The following MRTFB variants were observed in gnomAD, a reference collection of about 807,000 sequenced individuals.
The protein encoded by MRTFB is myocardin related transcription factor B, also known as myocardin-related transcription factor B.
In MRTFB, 29 loss-of-function variants were observed where a neutral mutation model predicts 104.2. The ratio of observed to expected loss-of-function variants is 0.28; its 90% confidence interval spans 0.21 to 0.38. MRTFB has a LOEUF of 0.38. MRTFB is among the 10% of genes least tolerant of loss of function. The pLI is 1.00. For missense variants in MRTFB, 1,270 were observed against 1,341.6 expected (o/e 0.95, Z 0.83); for synonymous variants, 535 against 519.5 (o/e 1.03, Z -0.41).
chr16:14,226,331 G>C (rs1268351194), intron 8 of MRTFB, among the ~76,000 whole-genome samples: 5 of 152,132 alleles, frequency 3.3e-5, no homozygotes, highest in Non-Finnish European at 5.9e-5. Context: ...TTAAAACAGT[G>C]GTATTGGCAT....
the MRTFB span, among the ~76,000 whole-genome samples, chr16:13,997,001 G>A: frequency 3.9e-5 from 6 of 152,330 alleles, no homozygotes; most frequent in East Asian, 1.9e-4. Flanking sequence ...CTTGACTTTC[G>A]GGTTTGCAGT....
chr16:14,253,341 G>A (rs1481527870), intron 15 of MRTFB, among the ~76,000 whole-genome samples: 5 of 152,154 alleles, frequency 3.3e-5, no homozygotes, highest in Non-Finnish European at 7.3e-5. Context: ...TGCTAAAGGT[G>A]GACACCAAGA....
At chr16:14,167,137 G>A (rs2039271913) in intron 3 of MRTFB, among the ~76,000 whole-genome samples, 1 of 152,170 alleles carries the variant, frequency 6.6e-6, no homozygotes, top group African/African-American at 2.4e-5. Context: ...CAGTGTAAAA[G>A]CGTTCCTATT....
At chr16:14,099,268 A>G (rs1409036416) in intron 2 of MRTFB, among the ~76,000 whole-genome samples, 1 of 152,106 alleles carries the variant, frequency 6.6e-6, no homozygotes, top group Non-Finnish European at 1.5e-5. Flanking sequence ...TTTTTAAAGT[A>G]GAGATCTTAC....
chr16:14,069,647 A>C (rs546831642), upstream of MRTFB, among the ~76,000 whole-genome samples: 2 of 152,060 alleles, frequency 1.3e-5, no homozygotes, highest in African/African-American at 4.8e-5. Flanking sequence ...ACCATGCCCA[A>C]TTCTTTTTAT....
intron 3 of MRTFB, chr16:14,141,711 T>C (rs1052537874): frequency 6.6e-6 from 1 of 152,186 alleles, no homozygotes; most frequent in African/African-American, 2.4e-5. Flanking sequence ...AAAAAAACCA[T>C]ACATATACCG....
the MRTFB span, among the ~76,000 whole-genome samples, chr16:14,052,030 G>T: frequency 6.6e-6 from 1 of 152,170 alleles, no homozygotes; most frequent in African/African-American, 2.4e-5. Context: ...GAAAAGACCA[G>T]CAGAGAGACT....
rs2043144109 is a variant in MRTFB, at chr16:14,249,064, C to T, written c.2386C>T (p.Pro796Ser). The T allele has an allele frequency of 1.2e-6, 2 of 1,613,858 alleles. No individual in the cohort carries two copies. Among genetic ancestry groups the T allele is most frequent in the Non-Finnish European group, 1.7e-6 (2 of 1,179,984 alleles). ...GTTCCCGCAGCATGTGCTCAGTCAG[C>T]CTCAACAAGTCAGAAAGGTTTGTAA... ...DTFPQHVLSQ[P>S]QQVRKVFTNS... The change falls in exon 13 of 17, where the codon CCT (proline) becomes TCT (serine). Residue 796 changes from proline to serine, a missense_variant. By Grantham distance (74) the Pro-to-Ser change is moderately conservative. Coordinates refer to ENST00000571589, the MANE Select transcript of MRTFB (RefSeq NM_001308142.2).
chr16:14,096,034 G>A (rs1269686593), intron 2 of MRTFB, among the ~76,000 whole-genome samples: 1 of 151,560 alleles, frequency 6.6e-6, no homozygotes, highest in Non-Finnish European at 1.5e-5. Context: ...GAACATGACA[G>A]TTTAGAGGCA....
At chr16:14,035,299 G>A in the MRTFB span, among the ~76,000 whole-genome samples, 1 of 152,196 alleles carries the variant, frequency 6.6e-6, no homozygotes, top group African/African-American at 2.4e-5. Context: ...GCCAGGAGGT[G>A]GCAGGTCACC....
At chr16:14,156,224 T>G (rs1301404889) in intron 3 of MRTFB, among the ~76,000 whole-genome samples, 5 of 152,256 alleles carry the variant, frequency 3.3e-5, no homozygotes, top group East Asian at 1.9e-4. Flanking sequence ...GTCCAATGAT[T>G]GTTATTCCAT....
chr16:14,156,338 T>C (rs978072859), intron 3 of MRTFB, among the ~76,000 whole-genome samples: 3 of 152,206 alleles, frequency 2.0e-5, no homozygotes, highest in Non-Finnish European at 4.4e-5. Context: ...ACTTTCTGAC[T>C]AGGACTACAG....
intron 13 of MRTFB, among the ~76,000 whole-genome samples, chr16:14,249,700 G>A (rs1479084490): frequency 6.6e-6 from 1 of 152,126 alleles, no homozygotes; most frequent in Non-Finnish European, 1.5e-5. Flanking sequence ...AAATTCTCCC[G>A]CATTCCCCGG....
the MRTFB span, among the ~76,000 whole-genome samples, chr16:14,033,273 C>A: frequency 9.8e-3 from 1,492 of 152,096 alleles, 23 homozygotes; most frequent in African/African-American, 0.035. Context: ...AGGTCGGGTG[C>A]AGAGGCTTAT....
At chr16:14,203,120 C>G (rs1252537103) in intron 3 of MRTFB, among the ~76,000 whole-genome samples, 2 of 152,032 alleles carry the variant, frequency 1.3e-5, no homozygotes, top group Non-Finnish European at 2.9e-5. Context: ...GATGGTTCAT[C>G]TAATCCTCAC....
chr16:14,258,203 C>G (rs1411284155), intron 16 of MRTFB, 42 bp downstream of exon 16: 1 of 1,552,078 alleles, frequency 6.4e-7, no homozygotes, highest in Admixed American at 1.7e-5. Context: ...GAAGTCATCT[C>G]TTAACCCAAG....
chr16:14,240,883 G>A, intron 10 of MRTFB: 1 of 623,094 alleles, frequency 1.6e-6, no homozygotes. Context: ...TGGTGGAAAA[G>A]ACAGGATCTT....
At chr16:14,013,983 T>C in the MRTFB span, among the ~76,000 whole-genome samples, 1 of 152,326 alleles carries the variant, frequency 6.6e-6, no homozygotes, top group African/African-American at 2.4e-5. Context: ...TTTTAAACGG[T>C]ACTCAACCCC....
intron 3 of MRTFB, among the ~76,000 whole-genome samples, chr16:14,194,702 C>CTTT (rs5815818): frequency 8.1e-6 from 1 of 123,562 alleles, no homozygotes; most frequent in Admixed American, 8.1e-5. Context: ...GTATGCTTTT[C>CTTT]TTTTTTTTTT....
Sources: gnomAD v4.1 joint callset for allele counts (sites outside exome capture counted in the v4.1 genomes callset) on GRCh38, gnomAD v4.1.1 for gene constraint, MANE v1.5 for transcripts, NCBI Gene and HGNC (gene_info 2026-07-23, HGNC 2026-07-21) for gene names.